The following PTPRQ variants were observed in gnomAD, a reference collection of about 807,000 sequenced individuals.
PTPRQ encodes the protein protein tyrosine phosphatase receptor type Q.
A neutral mutation model predicts 246.0 loss-of-function variants in PTPRQ; 199 were observed. The ratio of observed to expected loss-of-function variants is 0.81; its 90% CI spans 0.72 to 0.91. The LOEUF (loss-of-function observed/expected upper bound fraction) is 0.91. PTPRQ is among the 40% of genes least tolerant of loss of function. PTPRQ has a pLI of 0.00. For missense variants in PTPRQ, 2,624 were observed against 2,528.4 expected (o/e 1.04, Z -0.81); for synonymous variants, 869 against 853.2 (o/e 1.02, Z -0.32).
intron 38 of PTPRQ, among the ~76,000 whole-genome samples, chr12:80,654,611 G>T (rs1236355057): frequency 6.6e-6 from 1 of 151,788 alleles, no homozygotes; most frequent in Non-Finnish European, 1.5e-5. Context: ...ACGTTGGGAG[G>T]CTGAGGCGGG....
intron 25 of PTPRQ, chr12:80,586,888 C>A (rs1030241108): frequency 1.3e-4 from 20 of 152,076 alleles, no homozygotes; most frequent in African/African-American, 4.6e-4. Flanking sequence ...TTGTAAATAA[C>A]CTAGAGATTA....
intron 9 of PTPRQ, among the ~76,000 whole-genome samples, chr12:80,487,826 A>AAACTTAGCAGCTTAAAACAATT (rs1431902621): frequency 4.6e-5 from 7 of 152,086 alleles, no homozygotes; most frequent in Non-Finnish European, 1.0e-4. Flanking sequence ...AATTTTCCAC[A>AAACTTAGCAGCTTAAAACAATT]AACTTAGCAG....
intron 25 of PTPRQ, among the ~76,000 whole-genome samples, chr12:80,577,833 T>C (rs1897315785): frequency 2.6e-5 from 4 of 152,142 alleles, no homozygotes; most frequent in Admixed American, 2.6e-4. Context: ...TATGAATGGG[T>C]CAGTCCATAT....
intron 25 of PTPRQ, among the ~76,000 whole-genome samples, chr12:80,571,215 G>T (rs553483177): frequency 5.5e-4 from 84 of 152,248 alleles, no homozygotes; most frequent in Middle Eastern, 3.4e-3. Flanking sequence ...CATGATCTTG[G>T]CTCACTGCAA....
rs1893528961 is a variant in PTPRQ, at chr12:80,468,782, C to T, written c.983C>T (p.Pro328Leu). 2 of 1,550,264 alleles carry T rather than the reference C, an allele frequency of 1.3e-6. 1 individual carries two copies. Among genetic ancestry groups the T allele is most frequent in the Middle Eastern group, 3.3e-4 (2 of 5,984 alleles). Residue 328 changes from proline to leucine, a missense_variant, in exon 7 of 45, where the codon CCA becomes CTA. Transcript: ENST00000644991. ...TGKSFSILWD[P>L]PTIVTGKFSY... is the part of the protein sequence containing the mutation. ...AAGTCCTTTTCAATTTTATGGGACCCACCAACTATAGTAACAGGGAAATTT... is the reference window on the plus strand; with the variant it reads ...AAGTCCTTTTCAATTTTATGGGACCTACCAACTATAGTAACAGGGAAATTT...
chr12:80,636,256 T>G (rs2121181448), intron 35 of PTPRQ, among the ~76,000 whole-genome samples: 1 of 152,320 alleles, frequency 6.6e-6, no homozygotes, highest in Non-Finnish European at 1.5e-5. Flanking sequence ...GTCAGATGAT[T>G]GTAAGTTATC....
chr12:80,580,063 T>TATC (rs1023183845), intron 25 of PTPRQ, among the ~76,000 whole-genome samples: 12 of 152,162 alleles, frequency 7.9e-5, no homozygotes, highest in Admixed American at 3.9e-4. Context: ...TTCACAATCC[T>TATC]ATCAGGAGAG....
rs1898895986 is a variant in PTPRQ, at chr12:80,619,530, A to T, written c.5377A>T (p.Thr1793Ser). ...GPIKNVQVLV[T>S]ETGAQHDGNV... Reference sequence around the variant, plus strand: ...AATAAAAAATGTACAAGTGCTTGTGACAGAAACAGGAGGTATCATCACATG... The same window carrying T: ...AATAAAAAATGTACAAGTGCTTGTGTCAGAAACAGGAGGTATCATCACATG... Residue 1793 changes from threonine to serine, a missense_variant, in exon 31 of 45, where the codon ACA becomes TCA. By Grantham distance (58) the Thr-to-Ser change is moderately conservative (BLOSUM62 1). Transcript: ENST00000644991. 1 of 1,533,608 alleles carries T rather than the reference A, an allele frequency of 6.5e-7. No homozygotes were observed. The highest frequency in any genetic ancestry group is 1.2e-5 in the South Asian group (1 of 81,052).
rs1008833138 is a variant in PTPRQ, at chr12:80,608,563, C to CTTATAAATTATAAATTTATAAT, written c.4732-1860_4732-1839dup. ...GGAAGAGTATAATTTATAAATTATA[C>CTTATAAATTATAAATTTATAAT]TTATAAATTATAAATTTATAATTTA... On this transcript the variant is annotated intron_variant, in intron 27 of 44. Coordinates refer to ENST00000644991, the MANE Select transcript of PTPRQ (RefSeq NM_001145026.2). 4.5e-3 allele frequency among the ~76,000 whole-genome samples: 668 copies of CTTATAAATTATAAATTTATAAT among 148,848 alleles called. 5 individuals carry two copies. The highest frequency in any genetic ancestry group is 0.011 in the African/African-American group (430 of 40,944).
At position 80,496,258 on chromosome 12, in the gene PTPRQ, T is replaced by A; in HGVS notation, c.1999T>A (p.Ser667Thr). The A allele has an allele frequency of 6.5e-7, 1 of 1,549,892 alleles. No individual in the cohort carries two copies. Among genetic ancestry groups the A allele is most frequent in the Non-Finnish European group, 8.7e-7 (1 of 1,146,292 alleles). ...TTCTTTTCTTCCCCTAGAACCGGAA[T>A]CATCACCTCAAGATGTCGAAGTAAT... is the stretch of plus-strand genomic sequence containing the variant. ...FVRTSEDEPESSPQDVEVIDV... is the reference protein window; with the variant it reads ...FVRTSEDEPETSPQDVEVIDV... Residue 667 changes from serine (S) to threonine (T), a missense_variant, in exon 14 of 45, where the codon TCA becomes ACA. Coordinates refer to ENST00000644991, the MANE Select transcript of PTPRQ (RefSeq NM_001145026.2).
chr12:80,626,342 T>TA (rs1899200549), intron 33 of PTPRQ, among the ~76,000 whole-genome samples: 1 of 152,198 alleles, frequency 6.6e-6, no homozygotes, highest in Non-Finnish European at 1.5e-5. Flanking sequence ...TATTTTTAAG[T>TA]TCTGAAATCT....
intron 7 of PTPRQ, 95 bp from the exon 8 acceptor site, chr12:80,472,010 A>G: frequency 6.9e-7 from 1 of 1,458,186 alleles, no homozygotes; most frequent in East Asian, 2.5e-5. Flanking sequence ...GCATAGGTTA[A>G]CACTTGAATT....
rs898689070 is a variant in PTPRQ, at chr12:80,635,085, C to G, written c.5915+12C>G. The stretch of plus-strand genomic sequence containing the variant: ...GAGAGATTAACGCGGTGAGCACACT[C>G]CTCTGGGTGAACTGTGGTCCAGAGG... On this transcript the variant is annotated intron_variant, in intron 35 of 44. Transcript: ENST00000644991. The G allele has an allele frequency of 4.5e-6, 7 of 1,549,256 alleles. No individual in the cohort carries two copies. In the African/African-American group the frequency reaches 9.6e-5, roughly 21 times the overall value.
In PTPRQ at chr12:80,506,599, A is replaced by G. The variant is rs1235826497; in HGVS notation, c.2486A>G (p.Glu829Gly). 2 of 1,539,264 alleles carry G rather than the reference A, an allele frequency of 1.3e-6. No individual in the cohort carries two copies. Among genetic ancestry groups the G allele is most frequent in the Admixed American group, 2.0e-5 (1 of 50,350 alleles). ...AAGAAATATACCCAATATATCATTG[A>G]GGTGTCTGCTAGTACACTCAAAGGT... The part of the protein sequence containing the change: ...VLKKYTQYII[E>G]VSASTLKGEG... Residue 829 changes from glutamate to glycine, a missense_variant, in exon 16 of 45, where the codon GAG becomes GGG. Physicochemically the swap from Glu to Gly is moderately conservative, Grantham distance 98. Coordinates refer to ENST00000644991, the MANE Select transcript of PTPRQ (RefSeq NM_001145026.2).
chr12:80,625,919 A>G (rs952097575), intron 33 of PTPRQ, among the ~76,000 whole-genome samples: 4 of 152,152 alleles, frequency 2.6e-5, no homozygotes, highest in Non-Finnish European at 5.9e-5. Flanking sequence ...CAATGTTTTG[A>G]TTACAAGGTT....
At chr12:80,486,804 T>C (rs1054543189) in intron 9 of PTPRQ, among the ~76,000 whole-genome samples, 1 of 152,184 alleles carries the variant, frequency 6.6e-6, no homozygotes, top group African/African-American at 2.4e-5. Flanking sequence ...CTCCCCAGTG[T>C]GCAACACAAG....
chr12:80,643,636 G>A (rs1899970510), intron 35 of PTPRQ, among the ~76,000 whole-genome samples: 1 of 152,014 alleles, frequency 6.6e-6, no homozygotes, highest in Non-Finnish European at 1.5e-5. Flanking sequence ...GAATGCAGAA[G>A]GATGTGAAAG....
At chr12:80,578,987 G>A (rs1214954205) in intron 25 of PTPRQ, among the ~76,000 whole-genome samples, 1 of 151,784 alleles carries the variant, frequency 6.6e-6, no homozygotes, top group Non-Finnish European at 1.5e-5. Flanking sequence ...TAATTCCTGG[G>A]TTCATTCCAT....
intron 17 of PTPRQ, among the ~76,000 whole-genome samples, chr12:80,516,241 G>C (rs1261655420): frequency 6.6e-6 from 1 of 152,050 alleles, no homozygotes; most frequent in African/African-American, 2.4e-5. Flanking sequence ...TTTACTTTTA[G>C]ATGTGTCAGT....
Sources: allele counts gnomAD v4.1 joint callset (sites outside exome capture counted in the v4.1 genomes callset), GRCh38; gene constraint gnomAD v4.1.1; transcripts MANE v1.5; gene names NCBI Gene and HGNC (gene_info 2026-07-23, HGNC 2026-07-21).